MON2: variants seen among roughly 807,000 people sequenced by gnomAD.
MON2 encodes protein MON2 homolog.
In MON2, 84 loss-of-function variants were observed where a neutral mutation model predicts 208.6. That is an observed-to-expected ratio of 0.40 (90% CI 0.34 to 0.48). The LOEUF (loss-of-function observed/expected upper bound fraction) is 0.48, where lower values mean the gene tolerates loss of function less well. Ranked by LOEUF, MON2 falls within the 20% of genes least tolerant of loss-of-function variation. The pLI, the probability that MON2 is intolerant of heterozygous loss-of-function variation, is 0.59. For synonymous variants in MON2, 660 were observed against 694.0 expected (o/e 0.95, Z 0.77); for missense variants, 1,611 against 2,015.4 (o/e 0.80, Z 3.84).
intron 2 of MON2, among the ~76,000 whole-genome samples, chr12:62,490,504 G>C (rs2070064048): frequency 6.6e-6 from 1 of 152,022 alleles, no homozygotes; most frequent in Non-Finnish European, 1.5e-5. Context: ...AGTTATTGTG[G>C]AGAGTGGATA....
At chr12:62,544,206 A>G (rs564160155) in intron 20 of MON2, among the ~76,000 whole-genome samples, 1 of 152,202 alleles carries the variant, frequency 6.6e-6, no homozygotes, top group East Asian at 1.9e-4. Context: ...GCACTTTGGG[A>G]GGCTGAGGTG....
chr12:62,545,754 T>A (rs1436661140), intron 21 of MON2: 1 of 151,896 alleles, frequency 6.6e-6, no homozygotes, highest in Non-Finnish European at 1.5e-5. Context: ...TAGAAATTGA[T>A]TTAACACATA....
chr12:62,487,068 C>G (rs1025372321), intron 2 of MON2, among the ~76,000 whole-genome samples: 3 of 151,914 alleles, frequency 2.0e-5, no homozygotes, highest in Non-Finnish European at 4.4e-5. Flanking sequence ...GTTTATTTTT[C>G]TTTGTTTTCA....
chr12:62,539,807 A>G (rs1473145233), intron 19 of MON2, among the ~76,000 whole-genome samples: 1 of 151,932 alleles, frequency 6.6e-6, no homozygotes, highest in Non-Finnish European at 1.5e-5. Context: ...ACTTGTGGTC[A>G]GGAGTTCGAG....
intron 2 of MON2, among the ~76,000 whole-genome samples, chr12:62,488,129 G>A (rs1040192845): frequency 6.6e-6 from 1 of 152,014 alleles, no homozygotes. Flanking sequence ...TTAATTTTAC[G>A]TGATTTGAGT....
chr12:62,586,333 G>A (rs115591487), intron 33 of MON2, among the ~76,000 whole-genome samples: 2,762 of 152,254 alleles, frequency 0.018, 87 homozygotes, highest in African/African-American at 0.062. Context: ...AATTTCTGAA[G>A]TTGGAATTGA....
Position 62,599,685 on chromosome 12 carries a change from G to A in MON2, c.*6936G>A, listed in dbSNP as rs1450236390. 1 of 152,112 alleles carries A rather than the reference G, an allele frequency of 6.6e-6. No individual in the cohort carries two copies. Among genetic ancestry groups the A allele is most frequent in the Non-Finnish European group, 1.5e-5 (1 of 68,014 alleles). The allele number at this position is 152,112 out of a possible 1,614,324, so 9.4% of individuals were successfully genotyped here. A position where few individuals can be genotyped will look rare whatever the true frequency, so the allele number is the denominator to read the frequency against. On this transcript the variant is annotated 3_prime_UTR_variant, in exon 35 of 35. Transcript: ENST00000393630. ...AGAGTCACATACCTAAAGTCCAGGT[G>A]GATCACTATGTCTTGCTTTTTCAAA...
At position 62,560,673 on chromosome 12, in the gene MON2, C is replaced by T. The variant is rs751770728; in HGVS notation, c.3592C>T (p.Leu1198Phe). ...TGTAGTTAATGTACCTGTGCCTGTTCTTATAGGGCCCATATCAGGCATGAG... is the reference window on the plus strand; with the variant it reads ...TGTAGTTAATGTACCTGTGCCTGTTTTTATAGGGCCCATATCAGGCATGAG... Reference protein sequence around the residue: ...PPVVNVPVPVLIGPISGMSRP... With the variant: ...PPVVNVPVPVFIGPISGMSRP... Residue 1198 changes from leucine to phenylalanine, a missense_variant, in exon 26 of 35, where the codon CTT becomes TTT. Physicochemically the swap from Leu to Phe is conservative, Grantham distance 22. Coordinates refer to ENST00000393630, the MANE Select transcript of MON2 (RefSeq NM_015026.3). The T allele has an allele frequency of 1.9e-6, 3 of 1,613,858 alleles. No homozygotes were observed. Among genetic ancestry groups the T allele is most frequent in the Non-Finnish European group, 2.5e-6 (3 of 1,179,968 alleles).
At chr12:62,525,545 C>T (rs1410873205) in intron 10 of MON2, among the ~76,000 whole-genome samples, 1 of 141,836 alleles carries the variant, frequency 7.1e-6, no homozygotes, top group Non-Finnish European at 1.5e-5. Flanking sequence ...CTTAGGAAGA[C>T]TTAGTCCCTC....
At chr12:62,534,568 T>TA (rs1245730265) in intron 12 of MON2, among the ~76,000 whole-genome samples, 9 of 116,624 alleles carry the variant, frequency 7.7e-5, no homozygotes, top group African/African-American at 2.0e-4. Flanking sequence ...TATATATATA[T>TA]TTTATATATA....
chr12:62,562,233 C>G (rs17098060), intron 26 of MON2, among the ~76,000 whole-genome samples: 1 of 151,190 alleles, frequency 6.6e-6, no homozygotes, highest in South Asian at 2.1e-4. Context: ...TTGAGATGCC[C>G]GTAATCTGGT....
At chr12:62,584,204 T>C (rs2075112412) in intron 32 of MON2, among the ~76,000 whole-genome samples, 1 of 152,162 alleles carries the variant, frequency 6.6e-6, no homozygotes, top group African/African-American at 2.4e-5. Flanking sequence ...CCTGAATTTC[T>C]GATTCAGTAA....
At chr12:62,513,670 A>G (rs914253066) in intron 8 of MON2, among the ~76,000 whole-genome samples, 2 of 151,326 alleles carry the variant, frequency 1.3e-5, no homozygotes, top group Non-Finnish European at 2.9e-5. Flanking sequence ...CTGCCGGCTG[A>G]GTGTGGTGGC....
chr12:62,588,975 C>T, intron 34 of MON2: 2 of 1,117,434 alleles, frequency 1.8e-6, no homozygotes, highest in Non-Finnish European at 1.2e-6. Flanking sequence ...TGTCTCGAAG[C>T]ACTCTATTTG....
At chr12:62,580,447 A>G (rs1441229432) in intron 32 of MON2, 27 bp downstream of exon 32, 1 of 1,541,716 alleles carries the variant, frequency 6.5e-7, no homozygotes. Flanking sequence ...AAGTATTAAA[A>G]AGTATTGAAG....
chr12:62,471,854 CCTT>C (rs2068806303), intron 1 of MON2, among the ~76,000 whole-genome samples: 1 of 152,180 alleles, frequency 6.6e-6, no homozygotes, highest in Admixed American at 6.5e-5. Flanking sequence ...GGACACATTA[CCTT>C]CTGACAGAGG....
chr12:62,551,046 T>G (rs1395370890), intron 23 of MON2, among the ~76,000 whole-genome samples: 1 of 151,026 alleles, frequency 6.6e-6, no homozygotes, highest in African/African-American at 2.4e-5. Context: ...CAGCCTCCCA[T>G]GTAGCTGGAA....
chr12:62,510,207 C>T (rs572417001), intron 8 of MON2, among the ~76,000 whole-genome samples: 242 of 152,220 alleles, frequency 1.6e-3, no homozygotes, highest in African/African-American at 5.4e-3. Context: ...GATGACTTCA[C>T]TGGAAAAGTC....
rs569692052 is a variant in MON2 at position 62,574,456 on chromosome 12, G to A, written c.4514+2874G>A. Among the ~76,000 whole-genome samples the A allele has an allele frequency of 3.5e-3, 534 of 152,048 alleles. 1 individual carries two copies. Among genetic ancestry groups the A allele is most frequent in the Non-Finnish European group, 4.7e-3 (322 of 67,970 alleles). On this transcript the variant is annotated intron_variant, in intron 30 of 34. Coordinates refer to ENST00000393630, the MANE Select transcript of MON2 (RefSeq NM_015026.3). ...AAGTCGCATGTTCATGGCTCACTGC[G>A]GCCTTGACCTCCTGGCCTCAGGTGA...
Sources: allele counts gnomAD v4.1 joint callset (sites outside exome capture counted in the v4.1 genomes callset), GRCh38; gene constraint gnomAD v4.1.1; transcripts MANE v1.5; gene names NCBI Gene and HGNC (gene_info 2026-07-23, HGNC 2026-07-21).